The following PTCHD4 variants were observed in gnomAD, a reference collection of about 807,000 sequenced individuals.
PTCHD4 encodes patched domain containing 4, also known as patched domain-containing protein 4.
PTCHD4 carries 33 observed loss-of-function variants against 58.1 expected under a neutral mutation model. The ratio of observed to expected loss-of-function variants is 0.57; its 90% CI spans 0.43 to 0.76. The LOEUF is 0.76. Among genes scored for constraint, PTCHD4 ranks in the 30% least tolerant of loss-of-function variants. The pLI, the probability that PTCHD4 is intolerant of heterozygous loss-of-function variation, is 0.00. For synonymous variants in PTCHD4, 478 were observed against 409.6 expected, an observed-to-expected ratio of 1.17 and a Z score of -2.02; for missense variants, 1,058 against 1,027.1, an observed-to-expected ratio of 1.03 and a Z score of -0.41.
At chr6:47,917,843 A>G (rs771597458) in intron 4 of PTCHD4, among the ~76,000 whole-genome samples, 9 of 152,194 alleles carry the variant, frequency 5.9e-5, no homozygotes, top group Non-Finnish European at 1.0e-4. Flanking sequence ...TAGCAAGATG[A>G]TGAATAATAT....
At chr6:48,102,554 T>C (rs1220199657) in intron 1 of PTCHD4, among the ~76,000 whole-genome samples, 2 of 152,188 alleles carry the variant, frequency 1.3e-5, no homozygotes, top group Non-Finnish European at 2.9e-5. Flanking sequence ...AGACGGGTGA[T>C]TTCTGCATTT....
rs577356105 is a variant in PTCHD4, at chr6:48,093,829, C to A, written c.-970+17220G>T. 7.2e-5 allele frequency among the ~76,000 whole-genome samples: 11 copies of A among 152,240 alleles called. No homozygotes were observed. The South Asian group carries it at 2.1e-3, about 29-fold the overall frequency. ...GATGATGGGAAGGTCACCATGGAAG[C>A]TTTTACATCTCCTTTGAGAAGGGAG... is the stretch of plus-strand genomic sequence containing the variant. On this transcript the variant is annotated intron_variant, in intron 1 of 4. Coordinates refer to ENST00000339488, the MANE Select transcript of PTCHD4 (RefSeq NM_001384253.1).
chr6:48,089,366 G>C (rs984566175), intron 1 of PTCHD4, among the ~76,000 whole-genome samples: 8 of 152,078 alleles, frequency 5.3e-5, no homozygotes, highest in Non-Finnish European at 8.8e-5. Context: ...CTGTTATTCT[G>C]TCTCTGTGGG....
At chr6:47,893,043 G>A (rs965270358) in intron 4 of PTCHD4, among the ~76,000 whole-genome samples, 4 of 152,086 alleles carry the variant, frequency 2.6e-5, no homozygotes, top group Non-Finnish European at 4.4e-5. Context: ...ATGGACTCTC[G>A]CTCTGTCACC....
At chr6:47,899,528 T>C in intron 4 of PTCHD4, 1 of 951,850 alleles carries the variant, frequency 1.1e-6, no homozygotes, top group Non-Finnish European at 1.3e-6. Flanking sequence ...GAGCAAGTAT[T>C]TGCTGAAATA....
chr6:48,085,079 G>T (rs1203815544), intron 1 of PTCHD4, among the ~76,000 whole-genome samples: 1 of 151,702 alleles, frequency 6.6e-6, no homozygotes, highest in African/African-American at 2.4e-5. Flanking sequence ...AAATTAGTCT[G>T]GGCCCTGAGC....
intron 3 of PTCHD4, among the ~76,000 whole-genome samples, chr6:48,025,325 G>A (rs771567961): frequency 6.6e-6 from 1 of 152,236 alleles, no homozygotes. Flanking sequence ...ACACAGAGAC[G>A]TTGCTCCCAA....
intron 3 of PTCHD4, among the ~76,000 whole-genome samples, chr6:48,067,445 C>T (rs1764837870): frequency 6.6e-6 from 1 of 152,068 alleles, no homozygotes; most frequent in Non-Finnish European, 1.5e-5. Context: ...ACTCAGTTAT[C>T]TAGTACATCA....
chr6:48,031,722 A>G (rs1763449563), intron 3 of PTCHD4, among the ~76,000 whole-genome samples: 1 of 152,134 alleles, frequency 6.6e-6, no homozygotes, highest in South Asian at 2.1e-4. Context: ...CCCCAAAAAT[A>G]CATTAAACAA....
intron 4 of PTCHD4, among the ~76,000 whole-genome samples, chr6:47,883,465 A>T (rs1396706826): frequency 6.6e-6 from 1 of 152,184 alleles, no homozygotes; most frequent in Non-Finnish European, 1.5e-5. Flanking sequence ...CTGTGAAAAC[A>T]GCATAATTAT....
At chr6:48,088,786 G>A (rs71568435) in intron 1 of PTCHD4, among the ~76,000 whole-genome samples, 1,863 of 152,252 alleles carry the variant, frequency 0.012, 20 homozygotes, top group Middle Eastern at 0.024. Flanking sequence ...GCTCACTCCT[G>A]TAATCCCAGC....
At position 47,922,516 on chromosome 6, in the gene PTCHD4, C is replaced by T. The variant is rs137884922; in HGVS notation, c.899-42580G>A. On this transcript the variant is annotated intron_variant, in intron 4 of 4. Coordinates refer to ENST00000339488, the MANE Select transcript of PTCHD4 (RefSeq NM_001384253.1). Reference sequence around the variant, plus strand: ...AAATGGCTGCAGTTCCATCAGTTCACAACTTGGCGAGAGGGCTCATTGTGG... The same window carrying T: ...AAATGGCTGCAGTTCCATCAGTTCATAACTTGGCGAGAGGGCTCATTGTGG... Among the ~76,000 whole-genome samples the T allele has an allele frequency of 2.1e-3, 327 of 152,300 alleles. 2 individuals carry two copies. Among genetic ancestry groups the T allele is most frequent in the African/African-American group, 7.4e-3 (307 of 41,564 alleles).
At chr6:48,010,275 T>TA (rs765414801) in intron 3 of PTCHD4, among the ~76,000 whole-genome samples, 18 of 152,208 alleles carry the variant, frequency 1.2e-4, no homozygotes, top group Non-Finnish European at 1.6e-4. Flanking sequence ...AACAAGGATA[T>TA]AAAGGGGTAA....
At chr6:48,033,405 C>T (rs2114136997) in intron 3 of PTCHD4, among the ~76,000 whole-genome samples, 1 of 151,738 alleles carries the variant, frequency 6.6e-6, no homozygotes, top group East Asian at 1.9e-4. Flanking sequence ...ACTGTTAAGA[C>T]CAACCATGTG....
At chr6:47,921,492 AAT>A (rs1415432014) in intron 4 of PTCHD4, among the ~76,000 whole-genome samples, 1 of 152,152 alleles carries the variant, frequency 6.6e-6, no homozygotes, top group African/African-American at 2.4e-5. Context: ...GAAATAAGAC[AAT>A]ATTTCTCACT....
chr6:47,925,393 A>G (rs148178359), intron 4 of PTCHD4, among the ~76,000 whole-genome samples: 1 of 152,312 alleles, frequency 6.6e-6, no homozygotes, highest in East Asian at 1.9e-4. Context: ...GGCATTTGTT[A>G]TGGTGACTAT....
chr6:48,107,182 G>T (rs1254104020), intron 1 of PTCHD4, among the ~76,000 whole-genome samples: 1 of 152,098 alleles, frequency 6.6e-6, no homozygotes, highest in Non-Finnish European at 1.5e-5. Flanking sequence ...GAGGCATCAT[G>T]CTACCTGACT....
intron 4 of PTCHD4, among the ~76,000 whole-genome samples, chr6:47,987,255 TG>T (rs1476053195): frequency 3.4e-5 from 2 of 58,822 alleles, no homozygotes; most frequent in African/African-American, 7.1e-5. Flanking sequence ...CTGTTGTGGG[TG>T]GGGGGAGGGG....
intron 4 of PTCHD4, among the ~76,000 whole-genome samples, chr6:47,906,508 A>G (rs762752991): frequency 6.6e-5 from 10 of 152,170 alleles, no homozygotes; most frequent in Non-Finnish European, 1.2e-4. Flanking sequence ...GGGGTGGGGC[A>G]GGATAGAGTA....
Sources: allele counts gnomAD v4.1 joint callset (sites outside exome capture counted in the v4.1 genomes callset), GRCh38; gene constraint gnomAD v4.1.1; transcripts MANE v1.5; gene names NCBI Gene and HGNC (gene_info 2026-07-23, HGNC 2026-07-21).